Variants in NREP observed in about 807,000 individuals in gnomAD.
NREP encodes neuronal regeneration related protein, also known as neuronal regeneration-related protein.
Under a neutral mutation model 8.6 loss-of-function variants are expected in NREP, and 5 were observed. That is an observed-to-expected ratio of 0.58 (90% confidence interval 0.30 to 1.22). NREP has a LOEUF of 1.22. Among genes scored for constraint, NREP ranks in the 50% most tolerant of loss-of-function variants. NREP has a pLI of 0.07. For synonymous variants in NREP, 27 were observed against 28.0 expected (o/e 0.96, Z 0.11); for missense variants, 86 against 82.5 (o/e 1.04, Z -0.17).
At chr5:111,907,441 C>A (rs1309161113) in intron 2 of NREP, among the ~76,000 whole-genome samples, 3 of 151,972 alleles carry the variant, frequency 2.0e-5, no homozygotes, top group Non-Finnish European at 4.4e-5. Flanking sequence ...GAAAAACTAT[C>A]CTTTCTCCAT....
intron 2 of NREP, among the ~76,000 whole-genome samples, chr5:111,801,473 G>C (rs1226124421): frequency 6.6e-6 from 1 of 152,124 alleles, no homozygotes; most frequent in Admixed American, 6.6e-5. Context: ...GTTAAAGATG[G>C]TGACATAGAA....
chr5:111,894,471 G>T (rs1754462831), intron 2 of NREP, among the ~76,000 whole-genome samples: 1 of 151,012 alleles, frequency 6.6e-6, no homozygotes, highest in Non-Finnish European at 1.5e-5. Context: ...TCAGTTAGAG[G>T]TCCTACTGTA....
chr5:111,938,168 C>T (rs73225631), intron 2 of NREP, among the ~76,000 whole-genome samples: 1,666 of 152,120 alleles, frequency 0.011, 34 homozygotes, highest in African/African-American at 0.039. Flanking sequence ...GCCATGCTCA[C>T]CCAGGGCACT....
At chr5:111,779,968 C>G (rs1259006703) in intron 2 of NREP, among the ~76,000 whole-genome samples, 1 of 152,128 alleles carries the variant, frequency 6.6e-6, no homozygotes, top group Non-Finnish European at 1.5e-5. Context: ...GAGGCTTTCC[C>G]TGAATGCTTT....
intron 2 of NREP, among the ~76,000 whole-genome samples, chr5:111,906,171 C>T (rs1321283707): frequency 6.6e-6 from 1 of 151,910 alleles, no homozygotes; most frequent in Non-Finnish European, 1.5e-5. Flanking sequence ...ATAATATAAC[C>T]ATTGTTTTAT....
intron 2 of NREP, among the ~76,000 whole-genome samples, chr5:111,763,582 C>A (rs1241238335): frequency 6.6e-6 from 1 of 152,178 alleles, no homozygotes. Context: ...GAAGATTTAT[C>A]CAGATTATCC....
intron 2 of NREP, among the ~76,000 whole-genome samples, chr5:111,881,256 T>C (rs983295397): frequency 6.6e-6 from 1 of 152,136 alleles, no homozygotes; most frequent in Non-Finnish European, 1.5e-5. Context: ...AACTGCAAGG[T>C]GGCAGCCAGG....
intron 2 of NREP, among the ~76,000 whole-genome samples, chr5:111,898,253 T>G (rs189609523): frequency 6.6e-6 from 1 of 152,146 alleles, no homozygotes; most frequent in African/African-American, 2.4e-5. Context: ...GCGATTGCAG[T>G]AATAAAGACA....
chr5:111,956,536 T>A (rs1756325416), intron 2 of NREP, among the ~76,000 whole-genome samples: 1 of 151,680 alleles, frequency 6.6e-6, no homozygotes, highest in Non-Finnish European at 1.5e-5. Flanking sequence ...ACATGAAGAA[T>A]ATAAACTTTA....
At chr5:111,868,159 A>G (rs1378654443) in intron 2 of NREP, among the ~76,000 whole-genome samples, 1 of 152,198 alleles carries the variant, frequency 6.6e-6, no homozygotes, top group East Asian at 1.9e-4. Flanking sequence ...TATGGAAAAG[A>G]CAACTTCATG....
At chr5:111,793,948 C>A (rs946571416) in intron 2 of NREP, among the ~76,000 whole-genome samples, 2 of 152,044 alleles carry the variant, frequency 1.3e-5, no homozygotes, top group East Asian at 3.9e-4. Context: ...CCCCCAGCTA[C>A]TCGAGAGGCT....
chr5:111,805,580 G>T (rs1752121105), intron 2 of NREP, among the ~76,000 whole-genome samples: 2 of 152,196 alleles, frequency 1.3e-5, no homozygotes, highest in Non-Finnish European at 1.5e-5. Flanking sequence ...TATATGTGAT[G>T]TGTGCACACG....
intron 2 of NREP, among the ~76,000 whole-genome samples, chr5:111,819,666 A>G (rs1027609165): frequency 2.0e-5 from 3 of 152,216 alleles, no homozygotes; most frequent in Non-Finnish European, 4.4e-5. Flanking sequence ...TCATCAACAG[A>G]TGAATATAAC....
intron 2 of NREP, among the ~76,000 whole-genome samples, chr5:111,963,484 T>C (rs1357788677): frequency 1.3e-5 from 2 of 152,068 alleles, no homozygotes; most frequent in Non-Finnish European, 1.5e-5. Flanking sequence ...TGAGAAGAAA[T>C]AGAGCAATTT....
intron 2 of NREP, among the ~76,000 whole-genome samples, chr5:111,868,175 G>A (rs964659294): frequency 6.6e-6 from 1 of 152,066 alleles, no homozygotes; most frequent in Non-Finnish European, 1.5e-5. Context: ...TCATGGAAAC[G>A]TGGAATCAGA....
At chr5:111,938,906 T>G (rs558310801) in intron 2 of NREP, among the ~76,000 whole-genome samples, 1 of 152,164 alleles carries the variant, frequency 6.6e-6, no homozygotes, top group Non-Finnish European at 1.5e-5. Context: ...CATAAAGTAG[T>G]TTTCTTACTG....
intron 2 of NREP, among the ~76,000 whole-genome samples, chr5:111,922,129 T>C (rs560273544): frequency 6.6e-6 from 1 of 152,216 alleles, no homozygotes; most frequent in Admixed American, 6.5e-5. Context: ...TTTGAAGGGG[T>C]ATTTCTTATC....
intron 2 of NREP, among the ~76,000 whole-genome samples, chr5:111,821,518 T>G (rs1225631161): frequency 6.6e-6 from 1 of 152,216 alleles, no homozygotes; most frequent in Non-Finnish European, 1.5e-5. Flanking sequence ...CAATTATATT[T>G]CTAAATCTGA....
chr5:111,751,467 C>A (rs1482371393), intron 2 of NREP, among the ~76,000 whole-genome samples: 2 of 152,134 alleles, frequency 1.3e-5, no homozygotes, highest in Non-Finnish European at 2.9e-5. Flanking sequence ...AAATCTATTT[C>A]AAATAAATTT....
Sources: allele counts gnomAD v4.1 joint callset (sites outside exome capture counted in the v4.1 genomes callset), GRCh38; gene constraint gnomAD v4.1.1; transcripts MANE v1.5; gene names NCBI Gene and HGNC (gene_info 2026-07-23, HGNC 2026-07-21).